NEK9: variants seen among roughly 807,000 people sequenced by gnomAD.
The protein encoded by NEK9 is serine/threonine-protein kinase Nek9.
Under a neutral mutation model 123.4 loss-of-function variants are expected in NEK9, and 75 were observed. The observed-to-expected ratio is 0.61, with a 90% CI of 0.50 to 0.74. The LOEUF is 0.74. Among genes scored for constraint, NEK9 ranks in the 30% least tolerant of loss-of-function variants. The pLI is 0.00. For synonymous variants in NEK9, 438 were observed against 458.7 expected (o/e 0.95, Z 0.58); for missense variants, 952 against 1,214.4 (o/e 0.78, Z 3.21).
chr14:75,101,556 G>A (rs1403291578), intron 15 of NEK9, 101 bp downstream of exon 15: 1 of 682,808 alleles, frequency 1.5e-6, no homozygotes, highest in Non-Finnish European at 2.5e-6. Context: ...TAGATTTTCA[G>A]GGGAAATCGG....
rs73311631 is a variant in NEK9, at chr14:75,120,636, T to C, written c.454-56A>G. On this transcript the variant is annotated intron_variant, in intron 3 of 21. Transcript: ENST00000238616. ...AAACAAAAAGCTCCATTTAAGTAAATACACACACACATAAACAAACAAAAC... is the reference window on the plus strand; with the variant it reads ...AAACAAAAAGCTCCATTTAAGTAAACACACACACACATAAACAAACAAAAC... 4,646 of 1,299,222 alleles carry C rather than the reference T, an allele frequency of 3.6e-3. 141 individuals carry two copies. The African/African-American group carries it at 0.063, about 18-fold the overall frequency. The allele number at this position is 1,299,222 out of a possible 1,614,324, so 80.5% of individuals were successfully genotyped here.
chr14:75,120,395 A>G (rs763792853), intron 4 of NEK9, 115 bp downstream of exon 4: 144 of 630,538 alleles, frequency 2.3e-4, no homozygotes, highest in Non-Finnish European at 3.4e-4. Flanking sequence ...AGTGATATCA[A>G]TGGAAAAACT....
At chr14:75,107,219 G>A in intron 11 of NEK9, 124 bp downstream of exon 11, 1 of 992,774 alleles carries the variant, frequency 1.0e-6, no homozygotes, top group Non-Finnish European at 1.5e-6. Context: ...GAGTATATTT[G>A]CTCAAGGTCC....
At chr14:75,125,919 A>T (rs1158865014) in intron 1 of NEK9, among the ~76,000 whole-genome samples, 1 of 152,212 alleles carries the variant, frequency 6.6e-6, no homozygotes, top group African/African-American at 2.4e-5. Context: ...GAAGTAGAAT[A>T]ATCACTGCAG....
chr14:75,120,375 T>C (rs978416429), intron 4 of NEK9, 135 bp downstream of exon 4: 1 of 569,830 alleles, frequency 1.8e-6, no homozygotes, highest in Non-Finnish European at 3.2e-6. Context: ...GCTCATTACT[T>C]TCCTTTCCTA....
chr14:75,123,024 T>G (rs1458180771), intron 2 of NEK9, among the ~76,000 whole-genome samples: 3 of 151,884 alleles, frequency 2.0e-5, no homozygotes, highest in Non-Finnish European at 2.9e-5. Context: ...CAAACTCCTA[T>G]GCTCAAGTGA....
At chr14:75,104,948 A>AT (rs1894721004) in intron 13 of NEK9, among the ~76,000 whole-genome samples, 1 of 152,216 alleles carries the variant, frequency 6.6e-6, no homozygotes, top group South Asian at 2.1e-4. Flanking sequence ...TTCATTGCTG[A>AT]TTTTGTCCTT....
chr14:75,089,231 T>A (rs142496589), intron 19 of NEK9, among the ~76,000 whole-genome samples: 3 of 152,062 alleles, frequency 2.0e-5, no homozygotes, highest in Non-Finnish European at 4.4e-5. Flanking sequence ...CATGCCCGGC[T>A]AATTATTATT....
intron 2 of NEK9, among the ~76,000 whole-genome samples, 174 bp from the exon 3 acceptor site, chr14:75,121,348 C>T (rs1034518410): frequency 2.0e-5 from 3 of 152,054 alleles, no homozygotes; most frequent in African/African-American, 7.2e-5. Flanking sequence ...TCTCAAGGAC[C>T]GCATCAGAAA....
rs1232381963 is a variant in NEK9 at position 75,126,941 on chromosome 14, G to C, written c.-20C>G. 1.4e-6 allele frequency: 2 copies of C among 1,448,236 alleles called. No individual in the cohort carries two copies. The highest frequency in any genetic ancestry group is 2.6e-5 in the Admixed American group (1 of 38,294). The allele number at this position is 1,448,236 out of a possible 1,614,324, so 89.7% of individuals were successfully genotyped here. ...CGACATGGCGGCGGCCGCGGGCCTT[G>C]GGGACCAGCCTGCGTATGCCCGGAG... On this transcript the variant is annotated 5_prime_UTR_variant, in exon 1 of 22. Transcript: ENST00000238616.
chr14:75,126,504 T>C (rs1164769751), intron 1 of NEK9, among the ~76,000 whole-genome samples, 199 bp downstream of exon 1: 1 of 152,106 alleles, frequency 6.6e-6, no homozygotes, highest in Non-Finnish European at 1.5e-5. Context: ...CTTAGGACAA[T>C]CAAAAATGAC....
chr14:75,113,467 G>A lies in NEK9; in HGVS notation c.874-64C>T. Reference sequence around the variant, plus strand: ...AATGGGCGACATCGGATCTAAAGATGTTAATTAGTCAAAGACCACTGCATT... The same window carrying A: ...AATGGGCGACATCGGATCTAAAGATATTAATTAGTCAAAGACCACTGCATT... On this transcript the variant is annotated intron_variant, in intron 7 of 21. Transcript: ENST00000238616. The A allele has an allele frequency of 1.5e-5, 18 of 1,184,654 alleles. No individual in the cohort carries two copies. In the South Asian group the frequency reaches 2.3e-4, roughly 15 times the overall value. 73.4% of individuals were successfully genotyped at this position (1,184,654 alleles called of 1,614,324 possible). A position where few individuals can be genotyped will look rare whatever the true frequency, so the allele number is the denominator to read the frequency against.
intron 19 of NEK9, among the ~76,000 whole-genome samples, chr14:75,089,038 T>G (rs1894120820): frequency 6.6e-6 from 1 of 152,202 alleles, no homozygotes; most frequent in Non-Finnish European, 1.5e-5. Context: ...ACTAGCAAGT[T>G]TAGTCTTATT....
At chr14:75,091,727 A>C (rs1364541890) in intron 18 of NEK9, 1 of 403,960 alleles carries the variant, frequency 2.5e-6, no homozygotes, top group Admixed American at 4.5e-5. Context: ...AACTTTGTTT[A>C]TCTTGTATCC....
Position 75,120,588 on chromosome 14 carries a change from G to C in NEK9, c.454-8C>G, listed in dbSNP as rs761689638. ...TAGGTACCACACCACCATCTGCAGA[G>C]AAAAAATAAATATTTGGATTAGAAA... On this transcript the variant is annotated splice_polypyrimidine_tract_variant and splice_region_variant and intron_variant, in intron 3 of 21. Transcript: ENST00000238616. The C allele has an allele frequency of 2.2e-4, 345 of 1,603,862 alleles. 1 individual carries two copies. The highest frequency in any genetic ancestry group is 7.8e-5 in the Non-Finnish European group (91 of 1,173,110).
chr14:75,108,489 T>TTA (rs1251071400), intron 10 of NEK9, among the ~76,000 whole-genome samples: 4 of 150,204 alleles, frequency 2.7e-5, no homozygotes, highest in East Asian at 3.9e-4. Flanking sequence ...TCCTCATATT[T>TTA]TATATATATA....
intron 16 of NEK9, among the ~76,000 whole-genome samples, chr14:75,100,054 G>C (rs138252886): frequency 1.4e-5 from 2 of 142,930 alleles, no homozygotes; most frequent in African/African-American, 5.2e-5. Flanking sequence ...ACTTGAACCC[G>C]GGAGGTGGAG....
chr14:75,102,713 C>T (rs1420532262), intron 14 of NEK9, among the ~76,000 whole-genome samples: 6 of 152,174 alleles, frequency 3.9e-5, no homozygotes, highest in Non-Finnish European at 8.8e-5. Context: ...AATTTGTACT[C>T]TCCTAATTGA....
At chr14:75,124,642 T>C (rs1895456962) in intron 1 of NEK9, among the ~76,000 whole-genome samples, 1 of 152,158 alleles carries the variant, frequency 6.6e-6, no homozygotes, top group South Asian at 2.1e-4. Flanking sequence ...AACTTGCCTC[T>C]AGTTTTATAA....
Sources: gnomAD v4.1 joint callset for allele counts (sites outside exome capture counted in the v4.1 genomes callset) on GRCh38, gnomAD v4.1.1 for gene constraint, MANE v1.5 for transcripts, NCBI Gene and HGNC (gene_info 2026-07-23, HGNC 2026-07-21) for gene names.